NEK10: variants seen among roughly 807,000 people sequenced by gnomAD.
NEK10 encodes the protein NIMA related kinase 10.
A neutral mutation model predicts 159.8 loss-of-function variants in NEK10; 122 were observed. The observed-to-expected ratio is 0.76, with a 90% CI of 0.66 to 0.89. The LOEUF (loss-of-function observed/expected upper bound fraction) is 0.89. Ranked by LOEUF, NEK10 falls within the 40% of genes least tolerant of loss-of-function variation. The pLI, the probability that NEK10 is intolerant of heterozygous loss-of-function variation, is 0.00. For missense variants in NEK10, 1,342 were observed against 1,323.1 expected (o/e 1.01, Z -0.22); for synonymous variants, 466 against 457.1 (o/e 1.02, Z -0.25).
chr3:27,308,995 T>C lies in NEK10; in HGVS notation c.647A>G (p.Asn216Ser). 6.3e-7 allele frequency: 1 copy of C among 1,575,786 alleles called. No individual in the cohort carries two copies. The highest frequency in any genetic ancestry group is 8.7e-7 in the Non-Finnish European group (1 of 1,147,894). ...ATTAGTATCTCGGGCACCAAGTAAA[T>C]TTACTAATGTCTGAAAAATGAAGTA... The part of the protein sequence containing the change: ...TTSGAHKTLV[N>S]LLGARDTNVL... The change falls in exon 10 of 36, where the codon AAT becomes AGT. Residue 216 changes from asparagine to serine, a missense_variant. By Grantham distance (46) the Asn-to-Ser change is conservative. Transcript: ENST00000691995.
At chr3:27,274,525 G>A (rs1367328884) in intron 22 of NEK10, among the ~76,000 whole-genome samples, 2 of 151,976 alleles carry the variant, frequency 1.3e-5, no homozygotes, top group Non-Finnish European at 2.9e-5. Context: ...TTATTCAGTT[G>A]GAATAATGGA....
At chr3:27,272,874 T>C (rs2041477225) in intron 22 of NEK10, among the ~76,000 whole-genome samples, 1 of 152,132 alleles carries the variant, frequency 6.6e-6, no homozygotes, top group Non-Finnish European at 1.5e-5. Flanking sequence ...CTTCAACAAA[T>C]CCCTGTCCCA....
At chr3:27,164,648 C>T (rs1358420282) in intron 29 of NEK10, among the ~76,000 whole-genome samples, 3 of 152,174 alleles carry the variant, frequency 2.0e-5, no homozygotes, top group Non-Finnish European at 4.4e-5. Flanking sequence ...GCCCAGTGGC[C>T]TCCATACTTA....
intron 33 of NEK10, among the ~76,000 whole-genome samples, chr3:27,119,040 A>G (rs1456762303): frequency 1.3e-5 from 2 of 152,196 alleles, no homozygotes; most frequent in African/African-American, 4.8e-5. Context: ...GAGTACTGAA[A>G]CCTCAGAGTA....
intron 6 of NEK10, among the ~76,000 whole-genome samples, chr3:27,315,871 C>G (rs545073954): frequency 2.7e-4 from 41 of 152,254 alleles, no homozygotes; most frequent in Admixed American, 2.3e-3. Flanking sequence ...GGGTGGTGGT[C>G]TCTAAATGGG....
chr3:27,295,467 C>T, intron 15 of NEK10, 146 bp downstream of exon 15: 2 of 890,846 alleles, frequency 2.2e-6, no homozygotes, highest in South Asian at 3.4e-5. Flanking sequence ...GATTCCATGC[C>T]AGTCTTCCTT....
intron 32 of NEK10, among the ~76,000 whole-genome samples, chr3:27,130,200 C>A (rs1295922489): frequency 6.6e-6 from 1 of 152,186 alleles, no homozygotes; most frequent in Non-Finnish European, 1.5e-5. Flanking sequence ...ACAAGAGAAC[C>A]ATGGCAGTCT....
chr3:27,241,272 ACAGT>A (rs1454977348), intron 23 of NEK10, among the ~76,000 whole-genome samples: 1 of 152,192 alleles, frequency 6.6e-6, no homozygotes, highest in Non-Finnish European at 1.5e-5. Context: ...CTCTGTTGTG[ACAGT>A]CAAAGTTGTT....
intron 8 of NEK10, chr3:27,311,276 C>T (rs1191478670): frequency 1.4e-5 from 4 of 292,528 alleles, no homozygotes; most frequent in Non-Finnish European, 1.3e-5. Flanking sequence ...TCTCTTTCCA[C>T]TTGAAGTTCC....
intron 30 of NEK10, among the ~76,000 whole-genome samples, chr3:27,157,991 ATAT>A (rs898548842): frequency 6.6e-6 from 1 of 152,188 alleles, no homozygotes. Flanking sequence ...TTTAGACATA[ATAT>A]TATTGTGCAC....
intron 23 of NEK10, among the ~76,000 whole-genome samples, chr3:27,253,820 A>G (rs923194667): frequency 6.6e-6 from 1 of 152,200 alleles, no homozygotes; most frequent in Non-Finnish European, 1.5e-5. Context: ...AATGAAAATA[A>G]GAATTATAGA....
At chr3:27,120,023 T>C (rs1431874001) in intron 32 of NEK10, among the ~76,000 whole-genome samples, 155 bp from the exon 33 acceptor site, 6 of 152,202 alleles carry the variant, frequency 3.9e-5, no homozygotes, top group Admixed American at 3.9e-4. Flanking sequence ...AGAAATAATC[T>C]TCTTTCCAAA....
intron 26 of NEK10, among the ~76,000 whole-genome samples, chr3:27,180,675 T>G (rs1039535143): frequency 3.9e-5 from 6 of 152,170 alleles, no homozygotes; most frequent in Admixed American, 3.3e-4. Context: ...AAGGTCTAGT[T>G]CTTGTTAAAC....
chr3:27,232,219 A>G (rs753333634), intron 23 of NEK10, among the ~76,000 whole-genome samples: 8 of 151,992 alleles, frequency 5.3e-5, no homozygotes, highest in Non-Finnish European at 1.0e-4. Flanking sequence ...ATAAAGTCTC[A>G]GAATACATAA....
intron 3 of NEK10, among the ~76,000 whole-genome samples, chr3:27,351,497 TG>T (rs369312243): frequency 6.6e-6 from 1 of 152,110 alleles, no homozygotes; most frequent in African/African-American, 2.4e-5. Context: ...TCTGTAAAAA[TG>T]GGAGTTGTAA....
intron 22 of NEK10, among the ~76,000 whole-genome samples, chr3:27,269,168 T>C (rs1053668752): frequency 6.6e-6 from 1 of 152,222 alleles, no homozygotes; most frequent in Non-Finnish European, 1.5e-5. Flanking sequence ...AATCCACTCC[T>C]GGGAAAGATG....
chr3:27,189,529 A>G (rs1948930972), intron 26 of NEK10, among the ~76,000 whole-genome samples: 1 of 152,136 alleles, frequency 6.6e-6, no homozygotes, highest in Admixed American at 6.5e-5. Flanking sequence ...CTCTGGGAGA[A>G]CTTTCCAGTA....
intron 3 of NEK10, among the ~76,000 whole-genome samples, chr3:27,348,187 G>T (rs185833126): frequency 1.3e-5 from 2 of 152,024 alleles, no homozygotes; most frequent in Non-Finnish European, 2.9e-5. Context: ...ATGATATACC[G>T]CATAAAAGAA....
At chr3:27,164,083 C>T (rs147879817) in intron 29 of NEK10, among the ~76,000 whole-genome samples, 5 of 152,252 alleles carry the variant, frequency 3.3e-5, no homozygotes, top group Middle Eastern at 3.4e-3. Context: ...ATATTTTGTT[C>T]CATTCTGAGC....
Sources: allele counts gnomAD v4.1 joint callset (sites outside exome capture counted in the v4.1 genomes callset), GRCh38; gene constraint gnomAD v4.1.1; transcripts MANE v1.5; gene names NCBI Gene and HGNC (gene_info 2026-07-23, HGNC 2026-07-21).